Variants in LRRFIP2 observed in about 807,000 individuals in gnomAD.
LRRFIP2 encodes LRR binding FLII interacting protein 2, also known as leucine-rich repeat flightless-interacting protein 2.
In LRRFIP2, 109 loss-of-function variants were observed where a neutral mutation model predicts 125.9. The observed-to-expected ratio is 0.87, with a 90% CI of 0.74 to 1.01. The LOEUF is 1.01. Ranked by LOEUF, LRRFIP2 falls within the 50% of genes least tolerant of loss-of-function variation. The pLI is 0.00. For missense variants in LRRFIP2, 850 were observed against 862.3 expected (o/e 0.99, Z 0.18); for synonymous variants, 291 against 293.1 (o/e 0.99, Z 0.07).
chr3:37,122,710 T>C (rs1324396724), intron 4 of LRRFIP2, among the ~76,000 whole-genome samples: 1 of 152,218 alleles, frequency 6.6e-6, no homozygotes, highest in Non-Finnish European at 1.5e-5. Context: ...ATATATATTT[T>C]AGAGTTGGTC....
At position 37,054,629 on chromosome 3, in the gene LRRFIP2, C is replaced by T. The variant is rs776005795; in HGVS notation, c.1951-114G>A. The T allele has an allele frequency of 2.4e-5, 17 of 698,038 alleles. No individual in the cohort carries two copies. The South Asian group carries it at 3.1e-4, about 13-fold the overall frequency. 43.2% of individuals were successfully genotyped at this position (698,038 alleles called of 1,614,324 possible). ...AATGCCAAGTAATCTACTAACAAGT[C>T]CCCTAAGGGTGACTCATAAGTCCTC... On this transcript the variant is annotated intron_variant, in intron 26 of 27. Coordinates refer to ENST00000336686, the MANE Select transcript of LRRFIP2 (RefSeq NM_006309.4).
chr3:37,121,785 C>A (rs1576969082), intron 4 of LRRFIP2, 94 bp from the exon 5 acceptor site: 1 of 1,185,742 alleles, frequency 8.4e-7, no homozygotes, highest in Non-Finnish European at 1.2e-6. Context: ...AACAGCACAG[C>A]AACAACTCCT....
intron 20 of LRRFIP2, among the ~76,000 whole-genome samples, chr3:37,074,766 A>G (rs540886940): frequency 1.8e-4 from 27 of 152,286 alleles, no homozygotes; most frequent in Non-Finnish European, 3.4e-4. Flanking sequence ...CCCATTTCCT[A>G]AGATATCTGT....
intron 1 of LRRFIP2, among the ~76,000 whole-genome samples, chr3:37,150,851 A>G (rs2096003318): frequency 6.6e-6 from 1 of 152,232 alleles, no homozygotes; most frequent in Non-Finnish European, 1.5e-5. Flanking sequence ...ATGTACTGGA[A>G]TTTAGTTGAT....
At chr3:37,160,154 G>A (rs2096297452) in intron 1 of LRRFIP2, among the ~76,000 whole-genome samples, 1 of 152,026 alleles carries the variant, frequency 6.6e-6, no homozygotes, top group Admixed American at 6.6e-5. Context: ...GGGCTCTGGG[G>A]AAGGGAAGGG....
In LRRFIP2 at chr3:37,148,924, T is replaced by C. The variant is rs2095933057; in HGVS notation, c.60A>G (p.Glu20=). 1 of 1,614,020 alleles carries C rather than the reference T, an allele frequency of 6.2e-7. No individual in the cohort carries two copies. The highest frequency in any genetic ancestry group is 8.5e-7 in the Non-Finnish European group (1 of 1,180,006). Residue 20 remains glutamate (E), a synonymous_variant, in exon 2 of 28, where the codon GAA becomes GAG. Coordinates refer to ENST00000336686, the MANE Select transcript of LRRFIP2 (RefSeq NM_006309.4). ...RTPVKDRFSA[E]DEALSNIARE... is the part of the protein sequence containing the mutation. The stretch of plus-strand genomic sequence containing the variant: ...TGGCAATGTTACTCAAAGCTTCATC[T>C]TCTGCAGAAAATCGGTCTTTCACAG...
At chr3:37,093,166 G>C (rs2093552519) in intron 17 of LRRFIP2, 1 of 153,166 alleles carries the variant, frequency 6.5e-6, no homozygotes, top group Admixed American at 6.6e-5. Flanking sequence ...TGAAGGTGGA[G>C]AAGGAACAAA....
rs115851185 is a variant in LRRFIP2 at position 37,148,446 on chromosome 3, G to A, written c.90+448C>T. 2.3e-3 allele frequency among the ~76,000 whole-genome samples: 356 copies of A among 152,288 alleles called. 2 individuals are homozygous for A. The highest frequency in any genetic ancestry group is 8.0e-3 in the African/African-American group (331 of 41,574). On this transcript the variant is annotated intron_variant, in intron 2 of 27. Transcript: ENST00000336686. Reference sequence around the variant, plus strand: ...TTAAGATCAGTTTTACCTAGTAGCTGCGGAAACGAACTGCTATAACTCTAA... The same window carrying A: ...TTAAGATCAGTTTTACCTAGTAGCTACGGAAACGAACTGCTATAACTCTAA...
chr3:37,162,571 CCT>C (rs2096376712), intron 1 of LRRFIP2, among the ~76,000 whole-genome samples: 1 of 152,136 alleles, frequency 6.6e-6, no homozygotes, highest in Non-Finnish European at 1.5e-5. Flanking sequence ...CAAAAATTTA[CCT>C]CTTTTACACT....
intron 1 of LRRFIP2, among the ~76,000 whole-genome samples, chr3:37,151,523 A>AGT (rs2096022945): frequency 1.3e-5 from 2 of 152,182 alleles, no homozygotes; most frequent in African/African-American, 4.8e-5. Flanking sequence ...TAATAGTAAC[A>AGT]GTGTATACAT....
intron 19 of LRRFIP2, among the ~76,000 whole-genome samples, chr3:37,080,341 A>T (rs2092524719): frequency 6.6e-6 from 1 of 152,164 alleles, no homozygotes; most frequent in Non-Finnish European, 1.5e-5. Flanking sequence ...GGTTGCAGTG[A>T]GCCGAGATTG....
At chr3:37,113,627 AT>A (rs1314523581) in intron 7 of LRRFIP2, among the ~76,000 whole-genome samples, 1 of 152,226 alleles carries the variant, frequency 6.6e-6, no homozygotes, top group South Asian at 2.1e-4. Context: ...AAGATAATTC[AT>A]TTCCTTCTAT....
intron 18 of LRRFIP2, among the ~76,000 whole-genome samples, chr3:37,084,224 G>A (rs1002419061): frequency 9.9e-5 from 15 of 152,220 alleles, no homozygotes; most frequent in South Asian, 2.1e-4. Flanking sequence ...AACTTCATAC[G>A]CATTTGAATT....
intron 2 of LRRFIP2, among the ~76,000 whole-genome samples, chr3:37,137,868 T>C (rs576911217): frequency 3.3e-5 from 5 of 152,338 alleles, no homozygotes; most frequent in African/African-American, 1.2e-4. Flanking sequence ...AATGGAATCT[T>C]GTCACTCTTG....
At chr3:37,113,826 TCAC>T (rs1164849800) in intron 7 of LRRFIP2, among the ~76,000 whole-genome samples, 1 of 152,176 alleles carries the variant, frequency 6.6e-6, no homozygotes, top group Non-Finnish European at 1.5e-5. Context: ...CCATAAATGG[TCAC>T]CTTATAAAAG....
chr3:37,107,778 T>C lies in LRRFIP2; in HGVS notation c.714+295A>G, dbSNP rs551552943. ...CAGGATAGTCAACCTATACAATGAA[T>C]TATCACCACTGAAAGACAAGAAGTT... On this transcript the variant is annotated intron_variant, in intron 13 of 27. Transcript: ENST00000336686. Among the ~76,000 whole-genome samples, 10 of 152,276 alleles carry C rather than the reference T, an allele frequency of 6.6e-5. No individual in the cohort carries two copies. In the East Asian group the frequency reaches 1.9e-3, roughly 29 times the overall value.
At chr3:37,143,767 AG>A (rs950346479) in intron 2 of LRRFIP2, 1 of 173,196 alleles carries the variant, frequency 5.8e-6, no homozygotes, top group African/African-American at 2.4e-5. Context: ...TCACTTTGGA[AG>A]GCACCACATT....
intron 18 of LRRFIP2, among the ~76,000 whole-genome samples, chr3:37,089,763 C>T (rs79784180): frequency 5.9e-5 from 9 of 151,790 alleles, no homozygotes; most frequent in African/African-American, 1.9e-4. Flanking sequence ...TCCTGATACA[C>T]TGTTACACAT....
intron 27 of LRRFIP2, 119 bp from the exon 28 acceptor site, chr3:37,054,080 C>T (rs893829400): frequency 1.2e-5 from 8 of 688,960 alleles, no homozygotes; most frequent in Non-Finnish European, 2.1e-5. Flanking sequence ...GCACAGGACC[C>T]ACAACCTCAT....
Sources: allele counts gnomAD v4.1 joint callset (sites outside exome capture counted in the v4.1 genomes callset), GRCh38; gene constraint gnomAD v4.1.1; transcripts MANE v1.5; gene names NCBI Gene and HGNC (gene_info 2026-07-23, HGNC 2026-07-21).